Variants in SLCO3A1 observed in about 807,000 individuals in gnomAD.
SLCO3A1 encodes the protein solute carrier organic anion transporter family member 3A1.
In SLCO3A1, 27 loss-of-function variants were observed where a neutral mutation model predicts 63.1. The observed-to-expected ratio is 0.43, with a 90% confidence interval of 0.32 to 0.59. The LOEUF is 0.59. SLCO3A1 is among the 20% of genes least tolerant of loss of function. The pLI, the probability that SLCO3A1 is intolerant of heterozygous loss-of-function variation, is 0.09. For missense variants in SLCO3A1, 773 were observed against 945.8 expected (o/e 0.82, Z 2.40); for synonymous variants, 473 against 409.9 (o/e 1.15, Z -1.86).
At chr15:91,920,003 T>G (rs1440986338) in intron 2 of SLCO3A1, among the ~76,000 whole-genome samples, 1 of 152,266 alleles carries the variant, frequency 6.6e-6, no homozygotes, top group Non-Finnish European at 1.5e-5. Context: ...TCTCTTACTA[T>G]TTCATGAGCA....
At chr15:92,062,970 G>A (rs1363428607) in intron 2 of SLCO3A1, among the ~76,000 whole-genome samples, 2 of 152,230 alleles carry the variant, frequency 1.3e-5, no homozygotes, top group Non-Finnish European at 2.9e-5. Flanking sequence ...ATTTCTCAAA[G>A]TGGGAGTTGG....
At position 91,856,715 on chromosome 15, in the gene SLCO3A1, CCT is replaced by C. The variant is rs1896929178; in HGVS notation, c.180+2632_180+2633del. On this transcript the variant is annotated intron_variant, in intron 1 of 9. Coordinates refer to ENST00000318445, the MANE Select transcript of SLCO3A1 (RefSeq NM_013272.4). The surrounding 1 kb of genome is among the most constrained non-coding windows in gnomAD (Gnocchi z 4.9). ...GATCCTTACCTTGGCAATCAGCCTG[CCT>C]CTCTAATGAGGCATTTCCAGATACT... Among the ~76,000 whole-genome samples, 1 of 152,122 alleles carries C rather than the reference CCT, an allele frequency of 6.6e-6. No homozygotes were observed. Among genetic ancestry groups the C allele is most frequent in the Non-Finnish European group, 1.5e-5 (1 of 68,026 alleles).
intron 2 of SLCO3A1, among the ~76,000 whole-genome samples, chr15:91,985,852 A>G (rs2046045055): frequency 6.6e-6 from 1 of 152,192 alleles, no homozygotes. Flanking sequence ...ACAGGACGGA[A>G]GGAGGAATGA....
intron 2 of SLCO3A1, among the ~76,000 whole-genome samples, chr15:92,031,668 T>C (rs2046650362): frequency 6.6e-6 from 1 of 152,148 alleles, no homozygotes; most frequent in Non-Finnish European, 1.5e-5. Context: ...ACACAGTCTT[T>C]TGCGGGTACA....
intron 2 of SLCO3A1, among the ~76,000 whole-genome samples, chr15:91,980,964 T>TGGG (rs1336401963): frequency 6.6e-6 from 1 of 152,210 alleles, no homozygotes; most frequent in Non-Finnish European, 1.5e-5. Flanking sequence ...TAGATTCCAC[T>TGGG]GGGGCGAAAT....
chr15:91,894,351 C>T lies in SLCO3A1; in HGVS notation c.181-21642C>T, dbSNP rs1897950690. Among the ~76,000 whole-genome samples, 1 of 152,076 alleles carries T rather than the reference C, an allele frequency of 6.6e-6. No homozygotes were observed. The highest frequency in any genetic ancestry group is 2.1e-4 in the South Asian group (1 of 4,820). On this transcript the variant is annotated intron_variant, in intron 1 of 9. Transcript: ENST00000318445. The surrounding 1 kb of genome is among the most constrained non-coding windows in gnomAD (Gnocchi z 4.8). Reference sequence around the variant, plus strand: ...TACTGAGTAACTTGCCATGATGTGACTTTGGTACTCAAAATATCTAATTGC... The same window carrying T: ...TACTGAGTAACTTGCCATGATGTGATTTTGGTACTCAAAATATCTAATTGC...
At position 92,040,057 on chromosome 15, in the gene SLCO3A1, G is replaced by T. The variant is rs375669743; in HGVS notation, c.647-54824G>T. Among the ~76,000 whole-genome samples, 5 of 152,224 alleles carry T rather than the reference G, an allele frequency of 3.3e-5. No individual in the cohort carries two copies. In the South Asian group the frequency reaches 6.2e-4, roughly 19 times the overall value. The stretch of plus-strand genomic sequence containing the variant: ...CACCAGGGCCAGTTGGAGGCTTGGG[G>T]GCAAGGGGAGGGAGAGCATTAGGAC... On this transcript the variant is annotated intron_variant, in intron 2 of 9. Coordinates refer to ENST00000318445, the MANE Select transcript of SLCO3A1 (RefSeq NM_013272.4).
chr15:92,123,056 G>T (rs954137783), intron 5 of SLCO3A1, among the ~76,000 whole-genome samples: 8 of 152,220 alleles, frequency 5.3e-5, no homozygotes, highest in Admixed American at 2.0e-4. Context: ...ACAGGGGTGT[G>T]TACAGATGCA....
chr15:92,035,533 C>T (rs2046714913), intron 2 of SLCO3A1, among the ~76,000 whole-genome samples: 3 of 151,758 alleles, frequency 2.0e-5, no homozygotes, highest in African/African-American at 7.2e-5. Flanking sequence ...CCTGGTTTTG[C>T]TTCCTGTTGC....
At chr15:92,015,317 T>C (rs953973205) in intron 2 of SLCO3A1, among the ~76,000 whole-genome samples, 3 of 152,108 alleles carry the variant, frequency 2.0e-5, no homozygotes, top group African/African-American at 7.2e-5. Context: ...TGACTCACAG[T>C]TCCACATGGC....
Position 91,853,873 on chromosome 15 carries a change from GGCA to G in SLCO3A1, c.-33_-31del, listed in dbSNP as rs758850577. The G allele has an allele frequency of 1.9e-5, 24 of 1,290,888 alleles. No homozygotes were observed. Among genetic ancestry groups the G allele is most frequent in the Middle Eastern group, 5.6e-4 (2 of 3,588 alleles). The allele number at this position is 1,290,888 out of a possible 1,614,324, so 80.0% of individuals were successfully genotyped here. On this transcript the variant is annotated 5_prime_UTR_variant, in exon 1 of 10. Coordinates refer to ENST00000318445, the MANE Select transcript of SLCO3A1 (RefSeq NM_013272.4). ...CGACACCCGGGGCGAGCGGGAAAGC[GGCA>G]GCGGCGGCGGCGGCGGCGGCGGCGG...
At position 92,163,330 on chromosome 15, in the gene SLCO3A1, A is replaced by G. The variant is rs918018060; in HGVS notation, c.*195A>G. On this transcript the variant is annotated 3_prime_UTR_variant, in exon 10 of 10. Coordinates refer to ENST00000318445, the MANE Select transcript of SLCO3A1 (RefSeq NM_013272.4). ...CAGACAGGATTCAGAATAAGGAGAG[A>G]ATGACATCGTGCGGCAGGGTCCTGG... 3 of 1,237,518 alleles carry G rather than the reference A, an allele frequency of 2.4e-6. No individual in the cohort carries two copies. Among genetic ancestry groups the G allele is most frequent in the Admixed American group, 4.1e-5 (1 of 24,672 alleles). The allele number at this position is 1,237,518 out of a possible 1,614,324, so 76.7% of individuals were successfully genotyped here. A position where few individuals can be genotyped will look rare whatever the true frequency, so the allele number is the denominator to read the frequency against.
At chr15:92,027,157 A>G (rs2046585185) in intron 2 of SLCO3A1, among the ~76,000 whole-genome samples, 1 of 152,070 alleles carries the variant, frequency 6.6e-6, no homozygotes, top group Non-Finnish European at 1.5e-5. Context: ...GATCTCTGGG[A>G]GTTGTCATGA....
In SLCO3A1 at chr15:91,948,183, C is replaced by G. The variant is rs138813274; in HGVS notation, c.646+31725C>G. Among the ~76,000 whole-genome samples, 228 of 152,308 alleles carry G rather than the reference C, an allele frequency of 1.5e-3. No individual in the cohort carries two copies. Among genetic ancestry groups the G allele is most frequent in the African/African-American group, 5.2e-3 (217 of 41,566 alleles). On this transcript the variant is annotated intron_variant, in intron 2 of 9. Coordinates refer to ENST00000318445, the MANE Select transcript of SLCO3A1 (RefSeq NM_013272.4). This position sits in a 1 kb window ranked among gnomAD's most constrained non-coding sequence, Gnocchi z 4.8. ...GCCCTTTGTTACCTGCCCTTTGTTT[C>G]AGTGCCATGCGGCTAATGAATGCCG...
At chr15:91,857,791 C>T (rs1044620636) in intron 1 of SLCO3A1, among the ~76,000 whole-genome samples, 5 of 152,122 alleles carry the variant, frequency 3.3e-5, no homozygotes, top group Admixed American at 1.3e-4. Flanking sequence ...AAATTAAAGC[C>T]TCTGACACTT....
chr15:91,964,747 T>G (rs1284041939), intron 2 of SLCO3A1, among the ~76,000 whole-genome samples: 1 of 151,948 alleles, frequency 6.6e-6, no homozygotes, highest in African/African-American at 2.4e-5. Context: ...TAGATAGTTT[T>G]TTTTTTTTTA....
chr15:91,999,898 G>A (rs1390132853), intron 2 of SLCO3A1, among the ~76,000 whole-genome samples: 1 of 152,194 alleles, frequency 6.6e-6, no homozygotes, highest in Non-Finnish European at 1.5e-5. Context: ...AGATACAGGA[G>A]GAAACCTAAG....
intron 2 of SLCO3A1, among the ~76,000 whole-genome samples, chr15:91,959,510 G>C (rs146383047): frequency 2.0e-5 from 3 of 151,840 alleles, no homozygotes; most frequent in Non-Finnish European, 4.4e-5. Flanking sequence ...CGGGCAGATC[G>C]CCTGAGGTCG....
intron 2 of SLCO3A1, among the ~76,000 whole-genome samples, chr15:91,938,788 C>T (rs1899510057): frequency 6.6e-6 from 1 of 152,192 alleles, no homozygotes; most frequent in South Asian, 2.1e-4. Flanking sequence ...AATTTCTAGA[C>T]AGCAGGGGGC....
Sources: gnomAD v4.1 joint callset for allele counts (sites outside exome capture counted in the v4.1 genomes callset) on GRCh38, gnomAD v4.1.1 for gene constraint, Gnocchi (gnomAD v3.1) non-coding constraint, MANE v1.5 for transcripts, NCBI Gene and HGNC (gene_info 2026-07-23, HGNC 2026-07-21) for gene names.